The following NPAS3 variants were observed in gnomAD, a reference collection of about 807,000 sequenced individuals.
NPAS3 encodes the protein neuronal PAS domain protein 3.
In NPAS3, 14 loss-of-function variants were observed where a neutral mutation model predicts 73.1. The observed-to-expected ratio is 0.19, with a 90% CI of 0.13 to 0.30. The LOEUF is 0.30. Among genes scored for constraint, NPAS3 ranks in the 10% least tolerant of loss-of-function variants. The probability of loss-of-function intolerance (pLI) is 1.00; values close to 1 mark genes in which losing one functional copy is unlikely to be tolerated. For synonymous variants in NPAS3, 620 were observed against 541.5 expected (o/e 1.14, Z -2.01); for missense variants, 1,096 against 1,250.0 (o/e 0.88, Z 1.86).
intron 1 of NPAS3, among the ~76,000 whole-genome samples, chr14:33,018,823 A>G (rs1427062234): frequency 6.6e-6 from 1 of 152,154 alleles, no homozygotes; most frequent in African/African-American, 2.4e-5. Flanking sequence ...AAGGGAAATC[A>G]TCGTGTTTAA....
At chr14:33,619,746 G>A (rs2058027073) in intron 5 of NPAS3, among the ~76,000 whole-genome samples, 1 of 152,200 alleles carries the variant, frequency 6.6e-6, no homozygotes, top group South Asian at 2.1e-4. Flanking sequence ...TTTGATAGTG[G>A]TGTATTTTAC....
chr14:33,192,993 AAG>A (rs2046225651), intron 2 of NPAS3, among the ~76,000 whole-genome samples: 11 of 152,190 alleles, frequency 7.2e-5, no homozygotes, highest in Admixed American at 7.2e-4. Context: ...CATACATTCT[AAG>A]TATAATCAGA....
chr14:33,422,454 A>G (rs2048393988), intron 4 of NPAS3, among the ~76,000 whole-genome samples: 1 of 152,012 alleles, frequency 6.6e-6, no homozygotes, highest in African/African-American at 2.4e-5. Context: ...ATACAGGTAT[A>G]AAGGGAAATT....
chr14:33,299,785 A>T (rs751283682), intron 3 of NPAS3, among the ~76,000 whole-genome samples: 3 of 152,224 alleles, frequency 2.0e-5, no homozygotes, highest in Non-Finnish European at 4.4e-5. Flanking sequence ...GTGAAATAAC[A>T]TTAAGGTTTA....
At chr14:33,568,320 G>A (rs756186341) in intron 5 of NPAS3, among the ~76,000 whole-genome samples, 9 of 152,094 alleles carry the variant, frequency 5.9e-5, no homozygotes, top group African/African-American at 1.9e-4. Context: ...TCATGCAGGC[G>A]TTGGCAATAT....
At chr14:33,381,158 A>C (rs1178825246) in intron 4 of NPAS3, among the ~76,000 whole-genome samples, 3 of 152,214 alleles carry the variant, frequency 2.0e-5, no homozygotes, top group Admixed American at 6.5e-5. Flanking sequence ...TAGGAGATAA[A>C]ACTCAGTAAC....
At chr14:33,306,438 C>T (rs982214462) in intron 3 of NPAS3, among the ~76,000 whole-genome samples, 1 of 152,182 alleles carries the variant, frequency 6.6e-6, no homozygotes, top group Admixed American at 6.5e-5. Flanking sequence ...ATTAATCTTT[C>T]TGAAAATCAT....
Position 33,379,977 on chromosome 14 carries a change from C to CATGTGTGT in NPAS3, c.468+12709_468+12710insATGTGTGT, listed in dbSNP as rs367545400. Among the ~76,000 whole-genome samples, 916 of 144,336 alleles carry CATGTGTGT rather than the reference C, an allele frequency of 6.3e-3. 4 individuals are homozygous for CATGTGTGT. Among genetic ancestry groups the CATGTGTGT allele is most frequent in the Middle Eastern group, 0.011 (3 of 284 alleles). The allele number at this position is 144,336 out of a possible 152,430, so 94.7% of individuals were successfully genotyped here. A position where few individuals can be genotyped will look rare whatever the true frequency, so the allele number is the denominator to read the frequency against. ...AGAAGAATCTTAAGTAGTTATCCCT[C>CATGTGTGT]GTGTGTGTGTGTGTGTGTGTGTGTG... On this transcript the variant is annotated intron_variant, in intron 4 of 11. Coordinates refer to ENST00000356141, the Ensembl canonical transcript of NPAS3.
At chr14:33,795,874 C>A (rs1038092236) in intron 10 of NPAS3, among the ~76,000 whole-genome samples, 1 of 152,142 alleles carries the variant, frequency 6.6e-6, no homozygotes, top group African/African-American at 2.4e-5. Context: ...GTTTAGGTAT[C>A]AAAGACCAGT....
At chr14:33,386,786 G>A (rs1417964452) in intron 4 of NPAS3, among the ~76,000 whole-genome samples, 1 of 152,088 alleles carries the variant, frequency 6.6e-6, no homozygotes, top group Non-Finnish European at 1.5e-5. Context: ...GATTTTGCAA[G>A]GTAATGCCTA....
intron 3 of NPAS3, among the ~76,000 whole-genome samples, chr14:33,349,786 C>T (rs1399955546): frequency 7.2e-5 from 11 of 152,138 alleles, no homozygotes; most frequent in Non-Finnish European, 1.5e-4. Context: ...ATATGAGCTT[C>T]CTGTGTTGGA....
At chr14:33,116,474 T>C (rs1331017682) in intron 2 of NPAS3, among the ~76,000 whole-genome samples, 1 of 152,290 alleles carries the variant, frequency 6.6e-6, no homozygotes, top group East Asian at 1.9e-4. Context: ...AGTTATTTAT[T>C]TGATAGACTG....
intron 1 of NPAS3, among the ~76,000 whole-genome samples, chr14:32,965,956 A>G (rs1418028168): frequency 6.6e-6 from 1 of 152,204 alleles, no homozygotes; most frequent in Admixed American, 6.5e-5. Flanking sequence ...AATCACGTTT[A>G]CAATAGATAA....
Position 33,438,545 on chromosome 14 carries a change from C to T in NPAS3, c.468+71277C>T, listed in dbSNP as rs759621203. On this transcript the variant is annotated intron_variant, in intron 4 of 11. Coordinates refer to ENST00000356141, the Ensembl canonical transcript of NPAS3. The stretch of plus-strand genomic sequence containing the variant: ...GTATTACAGGGTTGTAGAAGAATTG[C>T]TCAAAAAGGAAAGGATAACTGCATG... 2.0e-5 allele frequency among the ~76,000 whole-genome samples: 3 copies of T among 152,168 alleles called. No individual in the cohort carries two copies. The East Asian group carries it at 5.8e-4, about 29-fold the overall frequency.
intron 3 of NPAS3, among the ~76,000 whole-genome samples, chr14:33,282,057 G>A (rs1010652719): frequency 3.3e-5 from 5 of 152,076 alleles, no homozygotes; most frequent in Admixed American, 3.3e-4. Flanking sequence ...ACAAAAGAAT[G>A]GCCAAGAACT....
chr14:32,966,631 G>A lies in NPAS3; in HGVS notation c.50+27265G>A, dbSNP rs1417971364. ...TAAAAATACAAAAAATTAGCCGGGC[G>A]CGGTGGCGGGCGCCTGTAGTCCCAG... On this transcript the variant is annotated intron_variant, in intron 1 of 11. Coordinates refer to ENST00000356141, the Ensembl canonical transcript of NPAS3. Among the ~76,000 whole-genome samples the A allele has an allele frequency of 6.7e-5, 5 of 75,038 alleles. 2 individuals are homozygous for A. Among genetic ancestry groups the A allele is most frequent in the Non-Finnish European group, 1.2e-4 (4 of 32,772 alleles). 49.2% of individuals were successfully genotyped at this position (75,038 alleles called of 152,430 possible). A position where few individuals can be genotyped will look rare whatever the true frequency, so the allele number is the denominator to read the frequency against.
chr14:33,751,385 C>G (rs147837647), intron 7 of NPAS3, among the ~76,000 whole-genome samples: 2 of 152,218 alleles, frequency 1.3e-5, no homozygotes, highest in Admixed American at 6.5e-5. Context: ...GACTTTTTCC[C>G]CTTAATCTCA....
intron 3 of NPAS3, among the ~76,000 whole-genome samples, chr14:33,344,884 A>G (rs973357433): frequency 6.6e-6 from 1 of 152,162 alleles, no homozygotes; most frequent in African/African-American, 2.4e-5. Context: ...CACAGGCATC[A>G]TGCTGTTGGT....
chr14:33,473,896 T>A (rs542667727), intron 4 of NPAS3, among the ~76,000 whole-genome samples: 3 of 152,196 alleles, frequency 2.0e-5, no homozygotes, highest in Non-Finnish European at 4.4e-5. Flanking sequence ...TGAAGGCATA[T>A]GATCCACAAA....
Sources: allele counts gnomAD v4.1 joint callset (sites outside exome capture counted in the v4.1 genomes callset), GRCh38; gene constraint gnomAD v4.1.1; transcripts MANE v1.5; gene names NCBI Gene and HGNC (gene_info 2026-07-23, HGNC 2026-07-21).